GABRB3: variants seen among roughly 807,000 people sequenced by gnomAD.
GABRB3 encodes the protein gamma-aminobutyric acid receptor subunit beta-3.
GABRB3 carries 14 observed loss-of-function variants against 52.1 expected under a neutral mutation model. The observed-to-expected ratio is 0.27, with a 90% CI of 0.18 to 0.42. The LOEUF (loss-of-function observed/expected upper bound fraction) is 0.42. Ranked by LOEUF, GABRB3 falls within the 10% of genes least tolerant of loss-of-function variation. The pLI, the probability that GABRB3 is intolerant of heterozygous loss-of-function variation, is 1.00. For missense variants in GABRB3, 307 were observed against 609.1 expected (o/e 0.50, Z 5.22); for synonymous variants, 260 against 232.3 (o/e 1.12, Z -1.08).
chr15:26,746,718 T>G (rs1351131952), intron 3 of GABRB3, among the ~76,000 whole-genome samples: 2 of 152,108 alleles, frequency 1.3e-5, no homozygotes, highest in Admixed American at 6.5e-5. Flanking sequence ...CCAGGCACGG[T>G]GGCTCACACC....
intron 8 of GABRB3, among the ~76,000 whole-genome samples, chr15:26,560,652 G>A (rs1055034332): frequency 1.3e-5 from 2 of 151,988 alleles, no homozygotes; most frequent in African/African-American, 4.8e-5. Flanking sequence ...CAATTTTGTT[G>A]GCCAATCCAA....
intron 3 of GABRB3, among the ~76,000 whole-genome samples, chr15:26,701,823 T>C (rs1888944503): frequency 1.3e-5 from 2 of 152,172 alleles, no homozygotes; most frequent in South Asian, 4.1e-4. Context: ...ACCACCTTAT[T>C]TCAAGAGTTA....
intron 3 of GABRB3, among the ~76,000 whole-genome samples, chr15:26,718,602 G>A (rs1889562991): frequency 1.3e-5 from 2 of 152,208 alleles, no homozygotes; most frequent in South Asian, 4.2e-4. Context: ...GATGCTCAAT[G>A]TGTTTTTTTT....
intron 3 of GABRB3, among the ~76,000 whole-genome samples, chr15:26,711,471 C>T (rs1207255671): frequency 2.6e-5 from 4 of 152,106 alleles, no homozygotes; most frequent in Admixed American, 1.3e-4. Flanking sequence ...CGCTCGGCCT[C>T]ATATCATTTC....
chr15:26,658,431 G>A (rs1887440641), intron 3 of GABRB3: 1 of 152,170 alleles, frequency 6.6e-6, no homozygotes, highest in Non-Finnish European at 1.5e-5. Context: ...TCAAGAACTC[G>A]ACGGGCACTT....
At chr15:26,585,196 G>A (rs934447699) in intron 4 of GABRB3, among the ~76,000 whole-genome samples, 1 of 152,144 alleles carries the variant, frequency 6.6e-6, no homozygotes, top group Non-Finnish European at 1.5e-5. Context: ...GTAACTGGCA[G>A]TCCTGGCTAT....
chr15:26,596,085 T>A (rs1426209), intron 4 of GABRB3, among the ~76,000 whole-genome samples: 122,042 of 152,028 alleles, frequency 0.8, 50,740 homozygotes, highest in East Asian at 1. Flanking sequence ...ACTGCAGAAC[T>A]ACCCAACATC....
intron 3 of GABRB3, among the ~76,000 whole-genome samples, chr15:26,753,326 C>G (rs1890568658): frequency 6.6e-6 from 1 of 152,172 alleles, no homozygotes; most frequent in African/African-American, 2.4e-5. Flanking sequence ...GTAAGAGGAA[C>G]CAGACCACAG....
rs1176698309 is a variant in GABRB3 at position 26,546,014 on chromosome 15, T to C, written c.*1779A>G. 5 of 152,604 alleles carry C rather than the reference T, an allele frequency of 3.3e-5. No homozygotes were observed. Among genetic ancestry groups the C allele is most frequent in the South Asian group, 2.1e-4 (1 of 4,824 alleles). The allele number at this position is 152,604 out of a possible 1,614,324, so 9.5% of individuals were successfully genotyped here. On this transcript the variant is annotated 3_prime_UTR_variant, in exon 9 of 9. Coordinates refer to ENST00000311550, the MANE Select transcript of GABRB3 (RefSeq NM_000814.6). ...TCAAGTAGTGGTCAGCTCATGGGGA[T>C]AGTCCACACCACACGCATCCTCGGG...
At position 26,666,939 on chromosome 15, in the gene GABRB3, T is replaced by C. The variant is rs551181881; in HGVS notation, c.241-45405A>G. On this transcript the variant is annotated intron_variant, in intron 3 of 8. Transcript: ENST00000311550. ...GATCTGAACACTCATCTCTGCCTTCTTCCAGGGAGGCAAGGAGTTATCCAT... is the reference window on the plus strand; with the variant it reads ...GATCTGAACACTCATCTCTGCCTTCCTCCAGGGAGGCAAGGAGTTATCCAT... 3.3e-5 allele frequency among the ~76,000 whole-genome samples: 5 copies of C among 152,222 alleles called. No homozygotes were observed. In the South Asian group the frequency reaches 1.0e-3, roughly 32 times the overall value.
chr15:26,559,661 C>T (rs1889905790), intron 8 of GABRB3, among the ~76,000 whole-genome samples: 1 of 152,190 alleles, frequency 6.6e-6, no homozygotes, highest in South Asian at 2.1e-4. Flanking sequence ...ATCACAATAA[C>T]ATACTGCTTT....
At chr15:26,644,522 G>A (rs1893298022) in intron 3 of GABRB3, among the ~76,000 whole-genome samples, 1 of 152,206 alleles carries the variant, frequency 6.6e-6, no homozygotes, top group Non-Finnish European at 1.5e-5. Context: ...ACCACAAGGA[G>A]GGGACAGGAC....
chr15:26,663,752 A>G (rs1463373747), intron 3 of GABRB3, among the ~76,000 whole-genome samples: 1 of 152,086 alleles, frequency 6.6e-6, no homozygotes, highest in African/African-American at 2.4e-5. Flanking sequence ...AAAGCCTGCC[A>G]ATTTATTTCT....
At chr15:26,638,899 G>A (rs956355069) in intron 3 of GABRB3, among the ~76,000 whole-genome samples, 1 of 152,106 alleles carries the variant, frequency 6.6e-6, no homozygotes, top group Admixed American at 6.6e-5. Flanking sequence ...CCCCCACCAC[G>A]CTCCGCCGGG....
chr15:26,740,769 C>T (rs892790610), intron 3 of GABRB3, among the ~76,000 whole-genome samples: 2 of 152,160 alleles, frequency 1.3e-5, no homozygotes, highest in East Asian at 1.9e-4. Flanking sequence ...GGTGGCCCCA[C>T]GTTGTCCAGG....
At chr15:26,681,493 C>T (rs555455647) in intron 3 of GABRB3, among the ~76,000 whole-genome samples, 2 of 152,286 alleles carry the variant, frequency 1.3e-5, no homozygotes, top group South Asian at 2.1e-4. Flanking sequence ...CAGGAAAAGT[C>T]CCTTTGTCCC....
intron 3 of GABRB3, among the ~76,000 whole-genome samples, chr15:26,735,071 GAAC>G (rs1890031251): frequency 1.3e-5 from 2 of 152,116 alleles, no homozygotes; most frequent in East Asian, 1.9e-4. Flanking sequence ...TTTCAAAAAT[GAAC>G]AACAGACATA....
chr15:26,577,760 TA>T, intron 6 of GABRB3, among the ~76,000 whole-genome samples: 1 of 152,288 alleles, frequency 6.6e-6, no homozygotes, highest in Non-Finnish European at 1.5e-5. Flanking sequence ...CTGGTCCTAA[TA>T]AACTTCCAGA....
chr15:26,752,558 C>G (rs540882040), intron 3 of GABRB3, among the ~76,000 whole-genome samples: 2 of 152,050 alleles, frequency 1.3e-5, no homozygotes, highest in Non-Finnish European at 2.9e-5. Flanking sequence ...CCACCGCGCC[C>G]GGCCCCTCTC....
Sources: allele counts gnomAD v4.1 joint callset (sites outside exome capture counted in the v4.1 genomes callset), GRCh38; gene constraint gnomAD v4.1.1; transcripts MANE v1.5; gene names NCBI Gene and HGNC (gene_info 2026-07-23, HGNC 2026-07-21).